PIGF: variants seen among roughly 807,000 people sequenced by gnomAD.
PIGF encodes GPI ethanolamine phosphate transferase, stabilizing subunit.
A neutral mutation model predicts 26.0 loss-of-function variants in PIGF; 23 were observed. The ratio of observed to expected loss-of-function variants is 0.88; its 90% CI spans 0.64 to 1.25. PIGF has a LOEUF of 1.25. Among genes scored for constraint, PIGF ranks in the 50% most tolerant of loss-of-function variants. The pLI is 0.00. For synonymous variants in PIGF, 93 were observed against 92.6 expected, an observed-to-expected ratio of 1.00 and a Z score of -0.03; for missense variants, 278 against 249.9, an observed-to-expected ratio of 1.11 and a Z score of -0.76.
chr2:46,595,343 T>C (rs2104089260), intron 4 of PIGF, among the ~76,000 whole-genome samples: 1 of 152,310 alleles, frequency 6.6e-6, no homozygotes, highest in East Asian at 1.9e-4. Flanking sequence ...GGACATTTCA[T>C]ATAAATGGAA....
chr2:46,600,586 A>T (rs1470965304), intron 4 of PIGF, among the ~76,000 whole-genome samples: 2 of 152,106 alleles, frequency 1.3e-5, no homozygotes, highest in East Asian at 3.8e-4. Context: ...CTGTTTCTCA[A>T]TGATTAGGAA....
chr2:46,594,967 C>CA (rs2104088314), intron 4 of PIGF, among the ~76,000 whole-genome samples: 1 of 151,820 alleles, frequency 6.6e-6, no homozygotes, highest in Non-Finnish European at 1.5e-5. Flanking sequence ...TCTCCTGCCT[C>CA]AGCCTCCCGA....
In PIGF at chr2:46,605,301, G is replaced by C. The variant is rs573215771; in HGVS notation, c.437+6927C>G. ...AAGTGAACTAACTCTAGTGTATGGT[G>C]GAAACATAAAGACTTAGATTCTTCT... On this transcript the variant is annotated intron_variant, in intron 4 of 5. Coordinates refer to ENST00000281382, the MANE Select transcript of PIGF (RefSeq NM_002643.4). Among the ~76,000 whole-genome samples the C allele has an allele frequency of 3.8e-4, 58 of 152,106 alleles. 1 individual carries two copies. Among genetic ancestry groups the C allele is most frequent in the African/African-American group, 1.3e-3 (54 of 41,514 alleles).
At chr2:46,616,300 T>A (rs973299757) in intron 1 of PIGF, 1 of 152,318 alleles carries the variant, frequency 6.6e-6, no homozygotes. Context: ...AGGGAAAGTT[T>A]CCCATAGATT....
At chr2:46,596,462 T>A (rs534848242) in intron 4 of PIGF, among the ~76,000 whole-genome samples, 2 of 152,220 alleles carry the variant, frequency 1.3e-5, no homozygotes, top group South Asian at 4.1e-4. Flanking sequence ...TTTTTAAAAA[T>A]AGAAAAACTC....
chr2:46,586,963 G>C (rs896587866), intron 5 of PIGF, among the ~76,000 whole-genome samples: 6 of 152,160 alleles, frequency 3.9e-5, no homozygotes, highest in Admixed American at 3.9e-4. Context: ...TGGAATTCTT[G>C]TCAAAATGAC....
chr2:46,609,965 T>C (rs1318223450), intron 4 of PIGF, among the ~76,000 whole-genome samples: 2 of 152,192 alleles, frequency 1.3e-5, no homozygotes, highest in Non-Finnish European at 2.9e-5. Flanking sequence ...TGATGCAGGG[T>C]TGCCACAAAC....
chr2:46,592,450 G>T, intron 5 of PIGF, 25 bp downstream of exon 5: 1 of 1,089,238 alleles, frequency 9.2e-7, no homozygotes, highest in Non-Finnish European at 1.4e-6. Context: ...CATTTATTTT[G>T]TTGCTTTAAG....
chr2:46,605,022 G>C (rs761389697), intron 4 of PIGF, among the ~76,000 whole-genome samples: 11 of 151,946 alleles, frequency 7.2e-5, no homozygotes, highest in Non-Finnish European at 1.0e-4. Context: ...AAAAAATAAA[G>C]TTGTGATTCA....
In PIGF at chr2:46,616,990, A is replaced by C; in HGVS notation, c.-42T>G. ...CTTACCTAACTCTCCCTCCCGCGGA[A>C]GGGAAGCGGGGAACTACTGCCTCCT... On this transcript the variant is annotated 5_prime_UTR_variant, in exon 1 of 6. Coordinates refer to ENST00000281382, the MANE Select transcript of PIGF (RefSeq NM_002643.4). The C allele has an allele frequency of 1.8e-6, 1 of 543,710 alleles. No individual in the cohort carries two copies. Among genetic ancestry groups the C allele is most frequent in the Non-Finnish European group, 3.3e-6 (1 of 304,962 alleles). 33.7% of individuals were successfully genotyped at this position (543,710 alleles called of 1,614,324 possible).
Position 46,613,055 on chromosome 2 carries a change from T to C in PIGF, c.320+639A>G, listed in dbSNP as rs193047745. Among the ~76,000 whole-genome samples the C allele has an allele frequency of 1.2e-4, 18 of 151,168 alleles. No homozygotes were observed. In the East Asian group the frequency reaches 3.3e-3, roughly 28 times the overall value. The stretch of plus-strand genomic sequence containing the variant: ...AAAACTATGTATAAATATATATATA[T>C]ATATAAAATGGTATACTTAGCAACA... On this transcript the variant is annotated intron_variant, in intron 3 of 5. Transcript: ENST00000281382.
At chr2:46,606,096 A>C (rs1339540780) in intron 4 of PIGF, among the ~76,000 whole-genome samples, 5 of 152,174 alleles carry the variant, frequency 3.3e-5, no homozygotes, top group Non-Finnish European at 7.4e-5. Context: ...ACATAAGCCT[A>C]CTTTCCATAA....
chr2:46,613,081 C>G (rs549326091), intron 3 of PIGF, among the ~76,000 whole-genome samples: 3 of 151,464 alleles, frequency 2.0e-5, no homozygotes, highest in South Asian at 4.2e-4. Flanking sequence ...CTTAGCAACA[C>G]AAATATATGT....
At chr2:46,607,219 T>C (rs1002220142) in intron 4 of PIGF, among the ~76,000 whole-genome samples, 1 of 152,214 alleles carries the variant, frequency 6.6e-6, no homozygotes, top group East Asian at 1.9e-4. Context: ...CATACGCACA[T>C]CTGGTGTTAA....
At chr2:46,597,553 C>T (rs988966307) in intron 4 of PIGF, among the ~76,000 whole-genome samples, 3 of 152,102 alleles carry the variant, frequency 2.0e-5, no homozygotes, top group Non-Finnish European at 4.4e-5. Context: ...GCTGGGATTA[C>T]AGGCGCCTGC....
chr2:46,614,920 T>G lies in PIGF; in HGVS notation c.228+17A>C. 9.4e-6 allele frequency: 11 copies of G among 1,168,176 alleles called. No individual in the cohort carries two copies. The highest frequency in any genetic ancestry group is 1.4e-5 in the Non-Finnish European group (11 of 778,648). 72.4% of individuals were successfully genotyped at this position (1,168,176 alleles called of 1,614,324 possible). ...CTAGCTCCATCCAAAAATCAGTTATTGAGACATAAGCCTTACCTTGTGTGA... is the reference window on the plus strand; with the variant it reads ...CTAGCTCCATCCAAAAATCAGTTATGGAGACATAAGCCTTACCTTGTGTGA... On this transcript the variant is annotated intron_variant, in intron 2 of 5. Transcript: ENST00000281382.
chr2:46,612,954 C>G (rs954496848), intron 3 of PIGF, among the ~76,000 whole-genome samples: 2 of 151,980 alleles, frequency 1.3e-5, no homozygotes, highest in Non-Finnish European at 2.9e-5. Context: ...TAGACAGGAA[C>G]CACCATTTTC....
chr2:46,614,057 T>C (rs1670524217), intron 2 of PIGF: 3 of 301,478 alleles, frequency 1.0e-5, no homozygotes, highest in Non-Finnish European at 1.8e-5. Flanking sequence ...TCCATGGTAA[T>C]ATAGAGCTAT....
At chr2:46,602,810 G>C (rs1169669756) in intron 4 of PIGF, among the ~76,000 whole-genome samples, 7 of 151,726 alleles carry the variant, frequency 4.6e-5, no homozygotes, top group Admixed American at 4.6e-4. Flanking sequence ...CAATCTCCTT[G>C]AATAATAATA....
Sources: allele counts gnomAD v4.1 joint callset (sites outside exome capture counted in the v4.1 genomes callset), GRCh38; gene constraint gnomAD v4.1.1; transcripts MANE v1.5; gene names NCBI Gene and HGNC (gene_info 2026-07-23, HGNC 2026-07-21).